Variants in GRIP2 observed in about 807,000 individuals in gnomAD.
GRIP2 encodes glutamate receptor-interacting protein 2.
A neutral mutation model predicts 108.3 loss-of-function variants in GRIP2; 58 were observed. The ratio of observed to expected loss-of-function variants is 0.54; its 90% CI spans 0.43 to 0.67. The LOEUF (loss-of-function observed/expected upper bound fraction) is 0.67, where lower values mean the gene tolerates loss of function less well. Ranked by LOEUF, GRIP2 falls within the 30% of genes least tolerant of loss-of-function variation. The probability of loss-of-function intolerance (pLI) is 0.00; values close to 1 mark genes in which losing one functional copy is unlikely to be tolerated. For synonymous variants in GRIP2, 586 were observed against 598.2 expected (o/e 0.98, Z 0.30); for missense variants, 1,278 against 1,430.6 (o/e 0.89, Z 1.72).
chr3:14,597,328 GA>G, the GRIP2 span, among the ~76,000 whole-genome samples: 124 of 152,022 alleles, frequency 8.2e-4, 1 homozygote, highest in East Asian at 0.02. Context: ...TTCCAGTGGG[GA>G]AAAAAAATCC....
the GRIP2 span, among the ~76,000 whole-genome samples, chr3:14,591,204 C>T: frequency 0.24 from 36,247 of 152,146 alleles, 4,410 homozygotes; most frequent in East Asian, 0.33. Flanking sequence ...CTTGAAAACC[C>T]AGATCAAATG....
chr3:14,573,915 C>A, the GRIP2 span: 1 of 1,129,248 alleles, frequency 8.9e-7, no homozygotes, highest in Non-Finnish European at 1.3e-6. Flanking sequence ...GTGCATGCAG[C>A]AGGCCGAGTG....
Position 14,521,691 on chromosome 3 carries a change from C to T in GRIP2, c.663G>A (p.Gln221=). The change falls in exon 7 of 24, where the codon CAG becomes CAA. Residue 221 remains glutamine, a synonymous_variant. Coordinates refer to ENST00000621039, the MANE Select transcript of GRIP2 (RefSeq NM_001080423.4). This position sits in a 1 kb window ranked among gnomAD's most constrained non-coding sequence, Gnocchi z 5.1. ...CCTGAAAGAGTGCCTCGTGGCTGCA[C>T]TGCCGCAGGGTGGCCAGGGCGGTGG... The part of the protein sequence containing the change: ...SHATALATLR[Q]CSHEALFQVE... The T allele has an allele frequency of 6.2e-7, 1 of 1,611,976 alleles. No individual in the cohort carries two copies. The highest frequency in any genetic ancestry group is 8.5e-7 in the Non-Finnish European group (1 of 1,179,286).
At chr3:14,576,021 T>C in the GRIP2 span, among the ~76,000 whole-genome samples, 1 of 152,180 alleles carries the variant, frequency 6.6e-6, no homozygotes, top group African/African-American at 2.4e-5. Context: ...GTGCTGGAAA[T>C]GGGAGGACCC....
At chr3:14,504,600 G>C (rs933657640) in intron 20 of GRIP2, among the ~76,000 whole-genome samples, 2 of 152,144 alleles carry the variant, frequency 1.3e-5, no homozygotes, top group East Asian at 3.9e-4. Context: ...GTGAGCCACT[G>C]CACCCTGCCA....
At chr3:14,555,947 G>A in exon 1 of GRIP2, 1 of 399,868 alleles carries the variant, frequency 2.5e-6, no homozygotes, top group Non-Finnish European at 4.4e-6. Context: ...GAGTGACACC[G>A]CCAGCATTGT....
chr3:14,543,289 C>A (rs1695007279), upstream of GRIP2, among the ~76,000 whole-genome samples: 2 of 152,198 alleles, frequency 1.3e-5, no homozygotes, highest in South Asian at 4.1e-4. Context: ...CCCGCCAAAT[C>A]AAAAGCTGCA....
In GRIP2 at chr3:14,494,723, A is replaced by G. The variant is rs1402017217; in HGVS notation, c.2970+120T>C. Reference sequence around the variant, plus strand: ...TGGGGCCCGCAATGCAACTTTGGCTAACCTGACTCAGACTTGCATTGTCCT... The same window carrying G: ...TGGGGCCCGCAATGCAACTTTGGCTGACCTGACTCAGACTTGCATTGTCCT... On this transcript the variant is annotated intron_variant, in intron 23 of 23. Transcript: ENST00000621039. 23 of 1,268,168 alleles carry G rather than the reference A, an allele frequency of 1.8e-5. No individual in the cohort carries two copies. The East Asian group carries it at 3.3e-4, about 18-fold the overall frequency. The allele number at this position is 1,268,168 out of a possible 1,614,324, so 78.6% of individuals were successfully genotyped here.
chr3:14,558,207 T>C (rs144346529), upstream of GRIP2, among the ~76,000 whole-genome samples: 162 of 152,126 alleles, frequency 1.1e-3, no homozygotes, highest in African/African-American at 3.7e-3. Context: ...TCTACCAGAG[T>C]CACACAGCAT....
chr3:14,524,892 T>C (rs1694512075), intron 3 of GRIP2, among the ~76,000 whole-genome samples: 1 of 152,218 alleles, frequency 6.6e-6, no homozygotes, highest in South Asian at 2.1e-4. Context: ...ACTGGACATT[T>C]ATCTGCACCA....
intron 9 of GRIP2, 152 bp downstream of exon 9, chr3:14,519,958 C>A: frequency 4.0e-6 from 3 of 758,930 alleles, no homozygotes; most frequent in African/African-American, 3.5e-5. Flanking sequence ...TCAGTTGCTG[C>A]TCTTAATAAT....
At chr3:14,592,711 G>A in the GRIP2 span, among the ~76,000 whole-genome samples, 1 of 152,140 alleles carries the variant, frequency 6.6e-6, no homozygotes, top group East Asian at 1.9e-4. Flanking sequence ...CCTTGTGGTG[G>A]CCTAGCACAA....
chr3:14,579,474 G>T, the GRIP2 span, among the ~76,000 whole-genome samples: 3 of 152,172 alleles, frequency 2.0e-5, no homozygotes, highest in South Asian at 2.1e-4. Context: ...GCTCGTGTGT[G>T]ATCGGATGGG....
At position 14,511,222 on chromosome 3, in the gene GRIP2, G is replaced by T; in HGVS notation, c.1876C>A (p.Leu626Met). ...NCPMEDAVQI[L>M]RQCEDLVKLK... ...TTCACCAGGTCCTCGCACTGCCGCA[G>T]GATTTGCACGGCGTCCTCCATGGGG... The change falls in exon 16 of 24, where the codon CTG becomes ATG. Residue 626 changes from leucine (L) to methionine (M), a missense_variant. Transcript: ENST00000621039. This position sits in a 1 kb window ranked among gnomAD's most constrained non-coding sequence, Gnocchi z 4.1. The T allele has an allele frequency of 6.2e-7, 1 of 1,614,018 alleles. No homozygotes were observed. The highest frequency in any genetic ancestry group is 8.5e-7 in the Non-Finnish European group (1 of 1,179,896).
chr3:14,583,500 G>A, the GRIP2 span, among the ~76,000 whole-genome samples: 2 of 152,204 alleles, frequency 1.3e-5, no homozygotes, highest in Non-Finnish European at 2.9e-5. Flanking sequence ...AGCTACTGGG[G>A]CCTTCCCTGA....
In GRIP2 at chr3:14,538,872, G is replaced by A. The variant is rs542655503; in HGVS notation, c.40+1397C>T. Among the ~76,000 whole-genome samples the A allele has an allele frequency of 3.3e-5, 5 of 152,246 alleles. No homozygotes were observed. The East Asian group carries it at 5.8e-4, about 18-fold the overall frequency. ...AGGCAGTTGATGCTGACCCTGGGCC[G>A]AGGTGGAGGTCACAGGCCCATGAGG... On this transcript the variant is annotated intron_variant, in intron 1 of 23. Coordinates refer to ENST00000621039, the MANE Select transcript of GRIP2 (RefSeq NM_001080423.4).
At chr3:14,495,099 C>A (rs1275974805) in intron 22 of GRIP2, 110 bp from the exon 23 acceptor site, 1 of 1,401,728 alleles carries the variant, frequency 7.1e-7, no homozygotes. Flanking sequence ...CCAGCCACAC[C>A]CCCCAGGCTG....
At chr3:14,530,008 C>A (rs1694667272) in intron 1 of GRIP2, among the ~76,000 whole-genome samples, 1 of 152,034 alleles carries the variant, frequency 6.6e-6, no homozygotes, top group Admixed American at 6.6e-5. Flanking sequence ...ATTGTAAATA[C>A]CAATCTTGGC....
At position 14,491,752 on chromosome 3, in the gene GRIP2, G is replaced by A. The variant is rs1701342527; in HGVS notation, c.*1913C>T. 6.6e-6 allele frequency: 1 copy of A among 152,354 alleles called. No homozygotes were observed. The highest frequency in any genetic ancestry group is 1.5e-5 in the Non-Finnish European group (1 of 68,130). 9.4% of individuals were successfully genotyped at this position (152,354 alleles called of 1,614,324 possible). A position where few individuals can be genotyped will look rare whatever the true frequency, so the allele number is the denominator to read the frequency against. The stretch of plus-strand genomic sequence containing the variant: ...AGCCCTGTTGCTTAGCAGAGGTCCA[G>A]AGAGGCTGAGCCACCTGTCCAAGGT... On this transcript the variant is annotated 3_prime_UTR_variant, in exon 24 of 24. Transcript: ENST00000621039.
Sources: allele counts gnomAD v4.1 joint callset (sites outside exome capture counted in the v4.1 genomes callset), GRCh38; gene constraint gnomAD v4.1.1; non-coding constraint Gnocchi (gnomAD v3.1); transcripts MANE v1.5; gene names NCBI Gene and HGNC (gene_info 2026-07-23, HGNC 2026-07-21).